EIF4B: variants seen among roughly 807,000 people sequenced by gnomAD.
EIF4B encodes the protein eukaryotic translation initiation factor 4B.
Under a neutral mutation model 79.3 loss-of-function variants are expected in EIF4B, and 8 were observed. The observed-to-expected ratio is 0.10, with a 90% CI of 0.06 to 0.18. The LOEUF (loss-of-function observed/expected upper bound fraction) is 0.18, where lower values mean the gene tolerates loss of function less well. Among genes scored for constraint, EIF4B ranks in the 10% least tolerant of loss-of-function variants. The probability of loss-of-function intolerance (pLI) is 1.00; values close to 1 mark genes in which losing one functional copy is unlikely to be tolerated. For missense variants in EIF4B, 515 were observed against 792.4 expected (o/e 0.65, Z 4.20); for synonymous variants, 238 against 274.7 (o/e 0.87, Z 1.32).
intron 11 of EIF4B, 77 bp from the exon 12 acceptor site, chr12:53,038,279 T>G: frequency 7.4e-7 from 1 of 1,353,522 alleles, no homozygotes; most frequent in Non-Finnish European, 1.0e-6. Context: ...ACCCACTGCA[T>G]TTGGAGGATG....
intron 3 of EIF4B, 70 bp from the exon 4 acceptor site, chr12:53,019,840 T>C (rs1221471098): frequency 2.8e-6 from 4 of 1,448,956 alleles, no homozygotes; most frequent in South Asian, 1.2e-5. Context: ...AATGCTTTTG[T>C]AGTCCTCTCA....
chr12:53,030,657 G>A (rs543738095), intron 8 of EIF4B, among the ~76,000 whole-genome samples: 13 of 151,706 alleles, frequency 8.6e-5, no homozygotes, highest in South Asian at 6.3e-4. Context: ...TGATTCGCCC[G>A]CCTCGGCCTC....
intron 3 of EIF4B, 47 bp downstream of exon 3, chr12:53,019,053 CTAA>C (rs1488434473): frequency 1.3e-6 from 2 of 1,578,310 alleles, no homozygotes; most frequent in Non-Finnish European, 1.7e-6. Flanking sequence ...AGGATAATGT[CTAA>C]AAAAGACTAA....
chr12:53,020,355 A>G (rs889974890), intron 4 of EIF4B, among the ~76,000 whole-genome samples: 1 of 152,212 alleles, frequency 6.6e-6, no homozygotes, highest in Non-Finnish European at 1.5e-5. Flanking sequence ...TTTCAAAGTA[A>G]TCTGGCCTGA....
At chr12:53,029,069 G>A (rs551633684) in intron 8 of EIF4B, among the ~76,000 whole-genome samples, 36 of 151,050 alleles carry the variant, frequency 2.4e-4, no homozygotes, top group Non-Finnish European at 4.4e-4. Flanking sequence ...AGGTTGCAGC[G>A]AGCTGAGATC....
At chr12:53,007,406 T>A (rs920939389) in intron 1 of EIF4B, among the ~76,000 whole-genome samples, 13 of 147,210 alleles carry the variant, frequency 8.8e-5, no homozygotes, top group Non-Finnish European at 1.6e-4. Flanking sequence ...ATAGCTCCAA[T>A]GGTAGATTTC....
chr12:53,037,853 C>T (rs946516576), intron 11 of EIF4B: 26 of 558,976 alleles, frequency 4.7e-5, no homozygotes, highest in Middle Eastern at 4.8e-4. Flanking sequence ...TAATGCCGCA[C>T]AAATCTGCAA....
chr12:53,018,924 C>G lies in EIF4B; in HGVS notation c.278C>G (p.Ser93Trp), dbSNP rs537350746. Residue 93 changes from serine (S) to tryptophan (W), a missense_variant, in exon 3 of 15, where the codon TCG becomes TGG. Ser to Trp is a radical substitution (Grantham distance 177, BLOSUM62 -3). Around this residue, in one of 6 missense-constraint regions of EIF4B, gnomAD observed 105 missense variants for 177.2 expected, o/e 0.59. Coordinates refer to ENST00000262056, the MANE Select transcript of EIF4B (RefSeq NM_001417.7). ...PNIDRSRLPK[S>W]PPYTAFLGNL... Reference sequence around the variant, plus strand: ...ATCGACCGGAGCCGTCTTCCCAAATCGCCACCCTACACTGCTTTTCTAGGA... The same window carrying G: ...ATCGACCGGAGCCGTCTTCCCAAATGGCCACCCTACACTGCTTTTCTAGGA... The G allele has an allele frequency of 1.9e-6, 3 of 1,613,958 alleles. No homozygotes were observed. The highest frequency in any genetic ancestry group is 1.7e-6 in the Non-Finnish European group (2 of 1,179,926).
At chr12:53,006,638 C>T (rs1286411910) in intron 1 of EIF4B, 142 bp downstream of exon 1, 24 of 1,459,426 alleles carry the variant, frequency 1.6e-5, no homozygotes, top group Non-Finnish European at 2.2e-5. Flanking sequence ...CGGCGTGGCC[C>T]TGTTAGGTTA....
At chr12:53,020,890 C>CT (rs1245416306) in intron 4 of EIF4B, among the ~76,000 whole-genome samples, 3 of 152,104 alleles carry the variant, frequency 2.0e-5, no homozygotes, top group Admixed American at 6.6e-5. Flanking sequence ...TTACTGGTCT[C>CT]TAACTTTACT....
rs1285291003 is a variant in EIF4B, at chr12:53,040,839, C to T, written c.*616C>T. The T allele has an allele frequency of 1.3e-5, 2 of 150,864 alleles. No individual in the cohort carries two copies. Among genetic ancestry groups the T allele is most frequent in the Admixed American group, 1.3e-4 (2 of 15,124 alleles). 9.3% of individuals were successfully genotyped at this position (150,864 alleles called of 1,614,324 possible). A position where few individuals can be genotyped will look rare whatever the true frequency, so the allele number is the denominator to read the frequency against. ...GGTAGTTGGGAGTGAGACTATAGGC[C>T]ATAAAGAATGGGACTGCATTGGACC... On this transcript the variant is annotated 3_prime_UTR_variant, in exon 15 of 15. Transcript: ENST00000262056.
At chr12:53,033,691 C>A in intron 8 of EIF4B, 115 bp from the exon 9 acceptor site, 1 of 1,169,012 alleles carries the variant, frequency 8.6e-7, no homozygotes. Context: ...ATTGGTTAGG[C>A]CACTAACTTG....
At position 53,016,944 on chromosome 12, in the gene EIF4B, A is replaced by G. The variant is rs920730171; in HGVS notation, c.151+334A>G. 2.0e-5 allele frequency among the ~76,000 whole-genome samples: 3 copies of G among 152,246 alleles called. No individual in the cohort carries two copies. The South Asian group carries it at 6.2e-4, about 32-fold the overall frequency. ...AAATTCCTTTTAGGTCTAAAATTCT[A>G]TGGGGTCCTCATAAAGTGATGTTTC... is the stretch of plus-strand genomic sequence containing the variant. On this transcript the variant is annotated intron_variant, in intron 2 of 14. Transcript: ENST00000262056.
chr12:53,035,157 C>T (rs1943518217), intron 10 of EIF4B, among the ~76,000 whole-genome samples: 3 of 151,696 alleles, frequency 2.0e-5, no homozygotes, highest in Admixed American at 2.0e-4. Flanking sequence ...GTTTTGGAAA[C>T]CTAAATGGTT....
In EIF4B at chr12:53,028,026, C is replaced by A. The variant is rs1178450024; in HGVS notation, c.817C>A (p.Arg273=). Residue 273 remains arginine (R), a synonymous_variant, in exon 8 of 15, where the codon CGG becomes AGG. Coordinates refer to ENST00000262056, the MANE Select transcript of EIF4B (RefSeq NM_001417.7). ...SRDYDRGYDS[R]IGSGRRAFGS... ...GGATATATTTACAGGCTATGATTCC[C>A]GGATAGGCAGTGGCAGAAGAGCATT... 1 of 1,610,960 alleles carries A rather than the reference C, an allele frequency of 6.2e-7. No homozygotes were observed. Among genetic ancestry groups the A allele is most frequent in the Non-Finnish European group, 8.5e-7 (1 of 1,178,272 alleles).
chr12:53,006,706 T>C (rs1221554425), intron 1 of EIF4B, among the ~76,000 whole-genome samples: 1 of 151,612 alleles, frequency 6.6e-6, no homozygotes, highest in Non-Finnish European at 1.5e-5. Context: ...CCTCACACTC[T>C]TTTCACCCTT....
chr12:53,028,702 T>TAA (rs1325097620), intron 8 of EIF4B, among the ~76,000 whole-genome samples: 2 of 152,148 alleles, frequency 1.3e-5, no homozygotes, highest in African/African-American at 4.8e-5. Flanking sequence ...AGTTGCCAGA[T>TAA]ACTGTTATGT....
chr12:53,029,308 A>G (rs573687828), intron 8 of EIF4B, among the ~76,000 whole-genome samples: 15 of 152,200 alleles, frequency 9.9e-5, no homozygotes, highest in South Asian at 4.1e-4. Context: ...TTTGTGTTCT[A>G]ACTTCAGTGA....
At chr12:53,031,494 T>TTAAA (rs1943446033) in intron 8 of EIF4B, among the ~76,000 whole-genome samples, 1 of 152,186 alleles carries the variant, frequency 6.6e-6, no homozygotes, top group Non-Finnish European at 1.5e-5. Flanking sequence ...CAGGCTGGTT[T>TTAAA]TAAACTTCCA....
Sources: allele counts gnomAD v4.1 joint callset (sites outside exome capture counted in the v4.1 genomes callset), GRCh38; gene constraint gnomAD v4.1.1; regional missense constraint gnomAD v4.1.1; transcripts MANE v1.5; gene names NCBI Gene and HGNC (gene_info 2026-07-23, HGNC 2026-07-21).